The following VWA3B variants were observed in gnomAD, a reference collection of about 807,000 sequenced individuals.
The protein encoded by VWA3B is von Willebrand factor A domain containing 3B, also known as von Willebrand factor A domain-containing protein 3B.
Under a neutral mutation model 158.3 loss-of-function variants are expected in VWA3B, and 138 were observed. That is an observed-to-expected ratio of 0.87 (90% CI 0.76 to 1.00). The LOEUF is 1.00. Ranked by LOEUF, VWA3B falls within the 50% of genes least tolerant of loss-of-function variation. The pLI is 0.00. For synonymous variants in VWA3B, 596 were observed against 587.3 expected (o/e 1.01, Z -0.21); for missense variants, 1,555 against 1,565.1 (o/e 0.99, Z 0.11).
chr2:98,202,954 T>G (rs1682689825), intron 12 of VWA3B, among the ~76,000 whole-genome samples: 1 of 152,134 alleles, frequency 6.6e-6, no homozygotes, highest in Admixed American at 6.5e-5. Flanking sequence ...TGCCTCAGCC[T>G]CCAGAGTAGC....
At chr2:98,295,046 G>A (rs1385602448) in intron 23 of VWA3B, among the ~76,000 whole-genome samples, 1 of 152,150 alleles carries the variant, frequency 6.6e-6, no homozygotes, top group African/African-American at 2.4e-5. Context: ...CTGGGGAGGA[G>A]GGAGCTGCTT....
intron 7 of VWA3B, among the ~76,000 whole-genome samples, chr2:98,156,670 T>G (rs79957844): frequency 0.21 from 30,977 of 145,342 alleles, 3,369 homozygotes; most frequent in African/African-American, 0.37. Context: ...AACTCAGTTT[T>G]TTTTTTTTTT....
intron 7 of VWA3B, among the ~76,000 whole-genome samples, chr2:98,135,396 C>T (rs1020759035): frequency 1.3e-4 from 15 of 115,530 alleles, no homozygotes; most frequent in South Asian, 9.3e-4. Context: ...AGTGCAGTGG[C>T]GGGATCTCGG....
intron 11 of VWA3B, 92 bp from the exon 12 acceptor site, chr2:98,194,269 C>A: frequency 2.3e-6 from 3 of 1,305,784 alleles, no homozygotes; most frequent in South Asian, 1.5e-5. Context: ...AAATAGAGAC[C>A]ATCATGATTA....
intron 20 of VWA3B, 70 bp from the exon 21 acceptor site, chr2:98,256,054 C>G: frequency 6.3e-7 from 1 of 1,575,828 alleles, no homozygotes; most frequent in South Asian, 1.1e-5. Context: ...ACTGCGGTGC[C>G]TGGGGTTAAC....
rs151265263 is a variant in VWA3B at position 98,195,437 on chromosome 2, C to T, written c.1737+945C>T. 1.8e-3 allele frequency among the ~76,000 whole-genome samples: 270 copies of T among 152,090 alleles called. 1 individual carries two copies. Among genetic ancestry groups the T allele is most frequent in the African/African-American group, 5.5e-3 (229 of 41,468 alleles). On this transcript the variant is annotated intron_variant, in intron 12 of 27. Transcript: ENST00000477737. ...GTGACTTGTTTTTAAAACTGGGAGG[C>T]GAAAATCTGTTCTATAAGAAATAAT...
chr2:98,087,499 A>C (rs1470566863), intron 1 of VWA3B, 136 bp downstream of exon 1: 1 of 152,218 alleles, frequency 6.6e-6, no homozygotes, highest in Non-Finnish European at 1.5e-5. Flanking sequence ...CGGAAACAGT[A>C]CCAGGAAAGC....
intron 16 of VWA3B, among the ~76,000 whole-genome samples, chr2:98,231,347 G>A (rs1685321318): frequency 6.6e-6 from 1 of 152,152 alleles, no homozygotes; most frequent in African/African-American, 2.4e-5. Flanking sequence ...GACTAAAGTT[G>A]GAGAAATCAC....
In VWA3B at chr2:98,133,921, A is replaced by G; in HGVS notation, c.970A>G (p.Lys324Glu). ...GATGACTTGGAATTCAAGGAAACTG[A>G]AAGGAAAACTCCCTCCAGGTACCTG... ...NVMTWNSRKLKGKLPPGAGVR... is the reference protein window; with the variant it reads ...NVMTWNSRKLEGKLPPGAGVR... The change falls in exon 7 of 28, where the codon AAA (lysine) becomes GAA (glutamate). Residue 324 changes from lysine (K) to glutamate (E), a missense_variant. Lys to Glu is a moderately conservative substitution (Grantham distance 56, BLOSUM62 1). Coordinates refer to ENST00000477737, the MANE Select transcript of VWA3B (RefSeq NM_144992.5). The G allele has an allele frequency of 2.5e-6, 4 of 1,614,166 alleles. No individual in the cohort carries two copies. The highest frequency in any genetic ancestry group is 3.4e-6 in the Non-Finnish European group (4 of 1,180,002).
chr2:98,312,437 C>A lies in VWA3B; in HGVS notation c.*88C>A. On this transcript the variant is annotated 3_prime_UTR_variant, in exon 28 of 28. Coordinates refer to ENST00000477737, the MANE Select transcript of VWA3B (RefSeq NM_144992.5). ...GTTGACACTGAAACTGGCCCCTCCG[C>A]GGAGGTAAGGCCGCCCTCCGCGCCG... 6.7e-7 allele frequency: 1 copy of A among 1,498,422 alleles called. No individual in the cohort carries two copies. The highest frequency in any genetic ancestry group is 8.9e-7 in the Non-Finnish European group (1 of 1,122,962). 92.8% of individuals were successfully genotyped at this position (1,498,422 alleles called of 1,614,324 possible). A position where few individuals can be genotyped will look rare whatever the true frequency, so the allele number is the denominator to read the frequency against.
At chr2:98,283,753 A>G (rs760390006) in intron 22 of VWA3B, among the ~76,000 whole-genome samples, 1 of 152,190 alleles carries the variant, frequency 6.6e-6, no homozygotes, top group Non-Finnish European at 1.5e-5. Context: ...CCTAAACAGA[A>G]ATAGGGAACT....
intron 12 of VWA3B, among the ~76,000 whole-genome samples, chr2:98,201,315 T>C (rs1682529197): frequency 6.6e-6 from 1 of 152,234 alleles, no homozygotes; most frequent in African/African-American, 2.4e-5. Flanking sequence ...AATTCTTTAT[T>C]ACAATTGATT....
At chr2:98,272,143 C>G (rs1220560643) in intron 22 of VWA3B, among the ~76,000 whole-genome samples, 3 of 152,208 alleles carry the variant, frequency 2.0e-5, no homozygotes, top group Non-Finnish European at 4.4e-5. Context: ...GTTGAGGGCT[C>G]AGTCCCCAAG....
At chr2:98,105,236 T>C (rs1199091282) in intron 2 of VWA3B, among the ~76,000 whole-genome samples, 2 of 152,222 alleles carry the variant, frequency 1.3e-5, no homozygotes, top group African/African-American at 4.8e-5. Context: ...GCACATTTAT[T>C]TATTTACTCA....
chr2:98,264,271 G>A (rs1384150204), intron 21 of VWA3B, among the ~76,000 whole-genome samples: 2 of 151,464 alleles, frequency 1.3e-5, no homozygotes, highest in Non-Finnish European at 2.9e-5. Flanking sequence ...GCTAACTTGG[G>A]CTTTCATTTG....
At chr2:98,171,569 G>A (rs1679589330) in intron 8 of VWA3B, among the ~76,000 whole-genome samples, 1 of 152,134 alleles carries the variant, frequency 6.6e-6, no homozygotes, top group Admixed American at 6.5e-5. Flanking sequence ...GCAGGGACCC[G>A]ATTGTGCTGG....
chr2:98,133,954 A>G lies in VWA3B; in HGVS notation c.988+15A>G. ...ACTCCCTCCAGGTACCTGGAATCCAAAAGAAGTGGTGTAGCTTATGTCCCG... is the reference window on the plus strand; with the variant it reads ...ACTCCCTCCAGGTACCTGGAATCCAGAAGAAGTGGTGTAGCTTATGTCCCG... On this transcript the variant is annotated intron_variant, in intron 7 of 27. Transcript: ENST00000477737. 1.2e-6 allele frequency: 2 copies of G among 1,606,276 alleles called. No individual in the cohort carries two copies. The highest frequency in any genetic ancestry group is 1.7e-6 in the Non-Finnish European group (2 of 1,172,864).
At chr2:98,264,596 TTTC>T (rs1314365667) in intron 21 of VWA3B, among the ~76,000 whole-genome samples, 1 of 152,156 alleles carries the variant, frequency 6.6e-6, no homozygotes, top group African/African-American at 2.4e-5. Flanking sequence ...TGCTTTCAAC[TTTC>T]TTTTTTTAAA....
At chr2:98,220,026 G>A (rs550173875) in intron 14 of VWA3B, among the ~76,000 whole-genome samples, 56 of 151,962 alleles carry the variant, frequency 3.7e-4, no homozygotes, top group African/African-American at 1.3e-3. Context: ...AGCTGGGCAT[G>A]GTGGTTTGCA....
Sources: gnomAD v4.1 joint callset for allele counts (sites outside exome capture counted in the v4.1 genomes callset) on GRCh38, gnomAD v4.1.1 for gene constraint, MANE v1.5 for transcripts, NCBI Gene and HGNC (gene_info 2026-07-23, HGNC 2026-07-21) for gene names.